Variants in IFNAR2 observed in about 807,000 individuals in gnomAD.
IFNAR2 encodes the protein interferon alpha and beta receptor subunit 2.
IFNAR2 carries 30 observed loss-of-function variants against 49.4 expected under a neutral mutation model. That is an observed-to-expected ratio of 0.61 (90% confidence interval 0.45 to 0.82). IFNAR2 has a LOEUF of 0.82. Ranked by LOEUF, IFNAR2 falls within the 40% of genes least tolerant of loss-of-function variation. IFNAR2 has a pLI of 0.00. For missense variants in IFNAR2, 600 were observed against 622.7 expected (o/e 0.96, Z 0.39); for synonymous variants, 224 against 234.5 (o/e 0.96, Z 0.41).
chr21:33,248,446 A>G (rs1204646159), intron 5 of IFNAR2, among the ~76,000 whole-genome samples: 4 of 152,194 alleles, frequency 2.6e-5, no homozygotes, highest in African/African-American at 9.6e-5. Context: ...TATTAAGGAC[A>G]AATGCAAAAA....
intron 5 of IFNAR2, among the ~76,000 whole-genome samples, chr21:33,248,412 GAA>G (rs1987604646): frequency 6.7e-6 from 1 of 150,254 alleles, no homozygotes; most frequent in Non-Finnish European, 1.5e-5. Context: ...GAGAGAGAGA[GAA>G]AGAGAAAAGA....
intron 5 of IFNAR2, among the ~76,000 whole-genome samples, chr21:33,247,230 T>TTTTC (rs532465072): frequency 9.4e-5 from 13 of 137,838 alleles, no homozygotes; most frequent in South Asian, 8.9e-4. Context: ...TGGCCCAGGA[T>TTTTC]TTTCTTTCTT....
intron 7 of IFNAR2, among the ~76,000 whole-genome samples, chr21:33,255,529 A>G (rs2123512942): frequency 6.6e-6 from 1 of 152,346 alleles, no homozygotes. Context: ...ATGGACAGCC[A>G]TTGAAGAGGT....
At chr21:33,242,055 C>T (rs1472960458) in intron 2 of IFNAR2, 78 bp downstream of exon 2, 33 of 1,398,798 alleles carry the variant, frequency 2.4e-5, no homozygotes, top group Admixed American at 2.1e-4. Context: ...GGCAGGAAGT[C>T]GCAAACTCAT....
chr21:33,252,353 A>T (rs1987913928), intron 6 of IFNAR2: 1 of 771,648 alleles, frequency 1.3e-6, no homozygotes, highest in Non-Finnish European at 1.8e-6. Flanking sequence ...AGAGAAGATA[A>T]TCTTGTAAAA....
At chr21:33,244,509 T>C (rs2123476787) in intron 3 of IFNAR2, among the ~76,000 whole-genome samples, 1 of 152,298 alleles carries the variant, frequency 6.6e-6, no homozygotes, top group African/African-American at 2.4e-5. Context: ...AAGGAAAATT[T>C]GCAGCGGGCT....
At chr21:33,244,894 G>A (rs1003436152) in intron 3 of IFNAR2, 57 bp from the exon 4 acceptor site, 9 of 1,579,846 alleles carry the variant, frequency 5.7e-6, no homozygotes, top group South Asian at 2.2e-5. Flanking sequence ...ACTGAACAGT[G>A]GCCAGAATAC....
At chr21:33,252,103 TC>T in intron 6 of IFNAR2, 1 of 459,638 alleles carries the variant, frequency 2.2e-6, no homozygotes, top group Non-Finnish European at 4.5e-6. Flanking sequence ...TATCTATCTA[TC>T]TATCTATCTA....
At chr21:33,254,543 T>C (rs930579328) in intron 7 of IFNAR2, among the ~76,000 whole-genome samples, 5 of 152,188 alleles carry the variant, frequency 3.3e-5, no homozygotes, top group African/African-American at 1.2e-4. Context: ...GGCACTTTTT[T>C]AAGTCCAGTA....
At chr21:33,249,381 C>T (rs1987685731) in intron 6 of IFNAR2, among the ~76,000 whole-genome samples, 1 of 149,412 alleles carries the variant, frequency 6.7e-6, no homozygotes, top group Non-Finnish European at 1.5e-5. Context: ...GCCACATGCA[C>T]AACATCAAGG....
chr21:33,247,000 T>C (rs1168315839), intron 5 of IFNAR2, 110 bp downstream of exon 5: 1 of 854,866 alleles, frequency 1.2e-6, no homozygotes, highest in Admixed American at 2.5e-5. Context: ...GGGGCTGGGC[T>C]CACCTCTTGG....
chr21:33,263,118 A>G lies in IFNAR2; in HGVS notation c.1166A>G (p.Glu389Gly). The change falls in exon 9 of 9, where the codon GAA (glutamate) becomes GGA (glycine). Residue 389 changes from glutamate (E) to glycine (G), a missense_variant. Transcript: ENST00000342136. Reference protein sequence around the residue: ...TMPKDSPQQLELLSGPCERRK... With the variant: ...TMPKDSPQQLGLLSGPCERRK... ...CCAAAGGACAGCCCTCAGCAGTTGG[A>G]ACTCTTGAGTGGGCCCTGTGAGAGG... The G allele has an allele frequency of 6.2e-7, 1 of 1,614,160 alleles. No individual in the cohort carries two copies. Among genetic ancestry groups the G allele is most frequent in the Non-Finnish European group, 8.5e-7 (1 of 1,180,032 alleles).
At position 33,253,005 on chromosome 21, in the gene IFNAR2, CT is replaced by C. The variant is rs1169073019; in HGVS notation, c.709+179del. 6.3e-6 allele frequency: 4 copies of C among 639,500 alleles called. 1 individual carries two copies. The highest frequency in any genetic ancestry group is 3.5e-5 in the South Asian group (2 of 56,988). 39.6% of individuals were successfully genotyped at this position (639,500 alleles called of 1,614,324 possible). ...TCGTGTGTATGATCTGGTAGAGTCA[CT>C]TTTATATTGTCATACCAAAAAACAA... On this transcript the variant is annotated intron_variant, in intron 7 of 8. Transcript: ENST00000342136.
chr21:33,243,682 G>A lies in IFNAR2; in HGVS notation c.65G>A (p.Ser22Asn). The change falls in exon 3 of 9, where the codon AGC becomes AAC. Residue 22 changes from serine (S) to asparagine (N), a missense_variant. Ser to Asn is a conservative substitution (Grantham distance 46). Transcript: ENST00000342136. ...SLNLVLMVYI[S>N]LVFGISYDSP... Reference sequence around the variant, plus strand: ...GTTTTCTTCCTTCTAGTGTATATCAGCCTCGTGTTTGGTATTTCATATGAT... The same window carrying A: ...GTTTTCTTCCTTCTAGTGTATATCAACCTCGTGTTTGGTATTTCATATGAT... The A allele has an allele frequency of 3.7e-6, 6 of 1,613,456 alleles. No individual in the cohort carries two copies. Among genetic ancestry groups the A allele is most frequent in the Non-Finnish European group, 5.1e-6 (6 of 1,179,456 alleles).
intron 7 of IFNAR2, among the ~76,000 whole-genome samples, chr21:33,259,910 A>G (rs1233107468): frequency 6.6e-6 from 1 of 152,040 alleles, no homozygotes; most frequent in East Asian, 1.9e-4. Context: ...TCTCCCCTCT[A>G]TCTATTTTTG....
rs569856334 is a variant in IFNAR2 at position 33,240,267 on chromosome 21, G to C, written c.-83-1573G>C. On this transcript the variant is annotated intron_variant, in intron 1 of 8. Transcript: ENST00000342136. ...CTGTACCTTTTCTGTGTCTAAATAT[G>C]TTCAGATACACAAATGCCACTGTGT... is the stretch of plus-strand genomic sequence containing the variant. 2.0e-5 allele frequency among the ~76,000 whole-genome samples: 3 copies of C among 152,272 alleles called. No homozygotes were observed. The South Asian group carries it at 6.2e-4, about 32-fold the overall frequency.
chr21:33,252,081 C>CATCCATCTATCT (rs368974474), intron 6 of IFNAR2: 45 of 381,076 alleles, frequency 1.2e-4, no homozygotes, highest in African/African-American at 2.3e-4. Context: ...AGACCCCATC[C>CATCCATCTATCT]ATCTATCTAT....
intron 1 of IFNAR2, among the ~76,000 whole-genome samples, chr21:33,231,426 A>G (rs568170950): frequency 2.2e-4 from 34 of 152,298 alleles, no homozygotes; most frequent in Admixed American, 1.3e-3. Context: ...TTTCTTACCT[A>G]TTATTTCCTC....
intron 8 of IFNAR2, among the ~76,000 whole-genome samples, chr21:33,261,493 A>G (rs946363868): frequency 2.0e-5 from 3 of 152,226 alleles, no homozygotes; most frequent in Non-Finnish European, 4.4e-5. Flanking sequence ...GATGATGAAT[A>G]GTACAATAAA....
Sources: allele counts gnomAD v4.1 joint callset (sites outside exome capture counted in the v4.1 genomes callset), GRCh38; gene constraint gnomAD v4.1.1; transcripts MANE v1.5; gene names NCBI Gene and HGNC (gene_info 2026-07-23, HGNC 2026-07-21).